UNC5C: variants seen among roughly 807,000 people sequenced by gnomAD.
UNC5C encodes the protein netrin receptor UNC5C.
In UNC5C, 47 loss-of-function variants were observed where a neutral mutation model predicts 99.8. The observed-to-expected ratio is 0.47, with a 90% confidence interval of 0.37 to 0.60. UNC5C has a LOEUF of 0.60. Ranked by LOEUF, UNC5C falls within the 20% of genes least tolerant of loss-of-function variation. The pLI, the probability that UNC5C is intolerant of heterozygous loss-of-function variation, is 0.00. For synonymous variants in UNC5C, 487 were observed against 452.2 expected, an observed-to-expected ratio of 1.08 and a Z score of -0.98; for missense variants, 1,062 against 1,165.9, an observed-to-expected ratio of 0.91 and a Z score of 1.30.
At chr4:95,502,696 T>A (rs1721807626) in intron 1 of UNC5C, among the ~76,000 whole-genome samples, 1 of 152,186 alleles carries the variant, frequency 6.6e-6, no homozygotes, top group African/African-American at 2.4e-5. Context: ...ACATGTCAGT[T>A]ACCATTTTCA....
At chr4:95,357,524 T>C (rs1744251043) in intron 1 of UNC5C, among the ~76,000 whole-genome samples, 1 of 152,052 alleles carries the variant, frequency 6.6e-6, no homozygotes, top group Non-Finnish European at 1.5e-5. Context: ...GTCTCATGCC[T>C]GTAATCCCAG....
At chr4:95,331,240 T>G (rs759900486) in intron 2 of UNC5C, among the ~76,000 whole-genome samples, 1 of 152,126 alleles carries the variant, frequency 6.6e-6, no homozygotes, top group Non-Finnish European at 1.5e-5. Flanking sequence ...TTGGGTTGAT[T>G]CCCTATCTTT....
At chr4:95,395,100 G>A (rs553869722) in intron 1 of UNC5C, among the ~76,000 whole-genome samples, 9 of 152,256 alleles carry the variant, frequency 5.9e-5, no homozygotes, top group African/African-American at 2.2e-4. Flanking sequence ...GCTCTCCATG[G>A]TGGGCATGTC....
At chr4:95,186,335 C>G (rs1736828425) in intron 12 of UNC5C, among the ~76,000 whole-genome samples, 1 of 152,176 alleles carries the variant, frequency 6.6e-6, no homozygotes, top group Admixed American at 6.5e-5. Context: ...CTGTAACATG[C>G]ATGGATTGGG....
chr4:95,423,942 G>T (rs1265772973), intron 1 of UNC5C, among the ~76,000 whole-genome samples: 1 of 152,132 alleles, frequency 6.6e-6, no homozygotes, highest in Admixed American at 6.5e-5. Context: ...AAAATGAATA[G>T]AAATATGCTT....
intron 3 of UNC5C, among the ~76,000 whole-genome samples, chr4:95,288,612 C>A (rs1450074501): frequency 6.6e-6 from 1 of 152,152 alleles, no homozygotes; most frequent in Admixed American, 6.5e-5. Context: ...TTCACTGAGC[C>A]ATAATCAAAG....
intron 7 of UNC5C, among the ~76,000 whole-genome samples, chr4:95,235,450 G>C (rs1423982971): frequency 6.6e-6 from 1 of 152,068 alleles, no homozygotes; most frequent in Non-Finnish European, 1.5e-5. Flanking sequence ...TCACTCTGAT[G>C]GTAGTTTCTT....
chr4:95,283,989 A>C (rs941702384), intron 3 of UNC5C, among the ~76,000 whole-genome samples: 3 of 152,346 alleles, frequency 2.0e-5, no homozygotes, highest in Admixed American at 2.0e-4. Context: ...TCCAATTAGC[A>C]GATGTAGAAT....
chr4:95,371,699 CAGGGCTACGTA>C (rs1744753954), intron 1 of UNC5C, among the ~76,000 whole-genome samples: 1 of 152,018 alleles, frequency 6.6e-6, no homozygotes, highest in South Asian at 2.1e-4. Context: ...CTGGAAACAC[CAGGGCTACGTA>C]AGTGTTTGTT....
intron 12 of UNC5C, among the ~76,000 whole-genome samples, chr4:95,198,330 C>G (rs1366975702): frequency 6.6e-6 from 1 of 152,056 alleles, no homozygotes; most frequent in Non-Finnish European, 1.5e-5. Context: ...TTCCACGCAT[C>G]TTGTGGGAGA....
intron 1 of UNC5C, among the ~76,000 whole-genome samples, chr4:95,481,713 C>T (rs1173619702): frequency 1.3e-5 from 2 of 152,098 alleles, no homozygotes; most frequent in East Asian, 1.9e-4. Flanking sequence ...CGCATATCTA[C>T]AGCTATCTGA....
intron 12 of UNC5C, among the ~76,000 whole-genome samples, chr4:95,194,366 AATC>A (rs1284154768): frequency 2.6e-5 from 4 of 152,184 alleles, no homozygotes; most frequent in African/African-American, 7.2e-5. Flanking sequence ...TGCCATAAGA[AATC>A]ACCACTAACA....
intron 3 of UNC5C, among the ~76,000 whole-genome samples, chr4:95,281,939 C>T (rs1462408645): frequency 6.6e-6 from 1 of 152,150 alleles, no homozygotes; most frequent in African/African-American, 2.4e-5. Flanking sequence ...CCATTAGAAC[C>T]CCATCCCAAC....
At chr4:95,285,889 T>A (rs1398209275) in intron 3 of UNC5C, among the ~76,000 whole-genome samples, 1 of 152,148 alleles carries the variant, frequency 6.6e-6, no homozygotes, top group Non-Finnish European at 1.5e-5. Flanking sequence ...AACCACTGGG[T>A]AGGCTAACAC....
At chr4:95,184,871 C>CATTCCCTCA (rs1391939513) in intron 13 of UNC5C, among the ~76,000 whole-genome samples, 176 bp downstream of exon 13, 2 of 152,088 alleles carry the variant, frequency 1.3e-5, no homozygotes. Flanking sequence ...TTTTAAAAAG[C>CATTCCCTCA]ATTCCCTCAA....
At chr4:95,341,329 A>C (rs536805925) in intron 1 of UNC5C, among the ~76,000 whole-genome samples, 2 of 152,136 alleles carry the variant, frequency 1.3e-5, no homozygotes, top group South Asian at 2.1e-4. Context: ...TGAAACATCC[A>C]AGCAAAAGTA....
intron 1 of UNC5C, among the ~76,000 whole-genome samples, chr4:95,439,394 T>A (rs1313062123): frequency 2.7e-5 from 4 of 145,708 alleles, no homozygotes; most frequent in Non-Finnish European, 6.1e-5. Flanking sequence ...TTTTTTTTTT[T>A]TTGTTTCCTC....
chr4:95,485,587 C>G (rs890802975), intron 1 of UNC5C, among the ~76,000 whole-genome samples: 1 of 151,754 alleles, frequency 6.6e-6, no homozygotes, highest in Non-Finnish European at 1.5e-5. Context: ...TATATTTGCT[C>G]TGTGCATTTA....
chr4:95,441,205 A>C (rs1476810847), intron 1 of UNC5C, among the ~76,000 whole-genome samples: 1 of 152,230 alleles, frequency 6.6e-6, no homozygotes, highest in Non-Finnish European at 1.5e-5. Context: ...TTTCAATGTC[A>C]GGCCACCAGA....
Sources: gnomAD v4.1 joint callset for allele counts (sites outside exome capture counted in the v4.1 genomes callset) on GRCh38, gnomAD v4.1.1 for gene constraint, MANE v1.5 for transcripts, NCBI Gene and HGNC (gene_info 2026-07-23, HGNC 2026-07-21) for gene names.